The following SWT1 variants were observed in gnomAD, a reference collection of about 807,000 sequenced individuals.
SWT1 encodes SWT1 RNA endoribonuclease homolog, also known as transcriptional protein SWT1.
A neutral mutation model predicts 107.3 loss-of-function variants in SWT1; 33 were observed. That is an observed-to-expected ratio of 0.31 (90% CI 0.23 to 0.41). SWT1 has a LOEUF of 0.41. Ranked by LOEUF, SWT1 falls within the 10% of genes least tolerant of loss-of-function variation. SWT1 has a pLI of 1.00. For missense variants in SWT1, 898 were observed against 1,028.9 expected (o/e 0.87, Z 1.74); for synonymous variants, 345 against 348.3 (o/e 0.99, Z 0.11).
At chr1:185,269,476 G>T (rs536472136) in intron 16 of SWT1, among the ~76,000 whole-genome samples, 1 of 148,070 alleles carries the variant, frequency 6.8e-6, no homozygotes, top group African/African-American at 2.5e-5. Flanking sequence ...AAGATGTTCT[G>T]TATGTGTGCC....
intron 15 of SWT1, among the ~76,000 whole-genome samples, chr1:185,223,958 G>T (rs748341488): frequency 1.3e-5 from 2 of 152,164 alleles, no homozygotes; most frequent in Non-Finnish European, 2.9e-5. Flanking sequence ...ACACCATGAA[G>T]TATTAAGCAG....
chr1:185,174,092 A>T (rs1005003095), intron 4 of SWT1, among the ~76,000 whole-genome samples: 11 of 152,174 alleles, frequency 7.2e-5, no homozygotes, highest in African/African-American at 2.7e-4. Context: ...GAAGCACAAA[A>T]TTATTATGAT....
At chr1:185,195,586 A>G (rs892237371) in intron 10 of SWT1, among the ~76,000 whole-genome samples, 1 of 152,210 alleles carries the variant, frequency 6.6e-6, no homozygotes, top group African/African-American at 2.4e-5. Flanking sequence ...TGTCTTCCAC[A>G]GTGGTGAACT....
rs937373112 is a variant in SWT1, at chr1:185,253,661, C to T, written c.2442-17662C>T. On this transcript the variant is annotated intron_variant, in intron 16 of 18. Coordinates refer to ENST00000367500, the MANE Select transcript of SWT1 (RefSeq NM_017673.7). ...TGAGACTTTGCTGAAGTTGCTTATC[C>T]GCTTAAGGAGATTTTCGGCTGAGAC... Among the ~76,000 whole-genome samples, 44 of 152,056 alleles carry T rather than the reference C, an allele frequency of 2.9e-4. 1 individual carries two copies. Among genetic ancestry groups the T allele is most frequent in the African/African-American group, 8.2e-4 (34 of 41,410 alleles).
At chr1:185,244,019 A>T (rs981685184) in intron 16 of SWT1, among the ~76,000 whole-genome samples, 5 of 152,038 alleles carry the variant, frequency 3.3e-5, no homozygotes, top group Admixed American at 6.6e-5. Context: ...ATGGACTTTC[A>T]TCCATTTACC....
At chr1:185,268,864 T>G (rs1663598914) in intron 16 of SWT1, among the ~76,000 whole-genome samples, 1 of 150,578 alleles carries the variant, frequency 6.6e-6, no homozygotes, top group South Asian at 2.1e-4. Context: ...TTTTTTTTTT[T>G]TTTTTTGAGA....
chr1:185,257,896 T>G (rs535299988), intron 16 of SWT1: 1 of 152,240 alleles, frequency 6.6e-6, no homozygotes, highest in Non-Finnish European at 1.5e-5. Flanking sequence ...TTTTGTTTTA[T>G]TATTTTATTT....
At chr1:185,274,627 T>G (rs1475432078) in intron 17 of SWT1, among the ~76,000 whole-genome samples, 1 of 152,140 alleles carries the variant, frequency 6.6e-6, no homozygotes, top group Non-Finnish European at 1.5e-5. Flanking sequence ...ATTTTTTAAT[T>G]AAAAAGAAGC....
Position 185,277,836 on chromosome 1 carries a change from G to C in SWT1, c.2573+1168G>C, listed in dbSNP as rs372002640. 3.3e-3 allele frequency among the ~76,000 whole-genome samples: 500 copies of C among 151,232 alleles called. 4 individuals are homozygous for C. Among genetic ancestry groups the C allele is most frequent in the African/African-American group, 0.012 (476 of 41,164 alleles). ...CATCTTTTTTTTTTGTGGTTTTACT[G>C]TTATTTATAACAAAAATAAGTTGAT... On this transcript the variant is annotated intron_variant, in intron 18 of 18. Transcript: ENST00000367500.
intron 10 of SWT1, among the ~76,000 whole-genome samples, chr1:185,197,552 C>T (rs1482596492): frequency 1.3e-5 from 2 of 152,052 alleles, no homozygotes; most frequent in Non-Finnish European, 2.9e-5. Context: ...CTCTTTGTTC[C>T]TCTAGTAGAA....
chr1:185,185,736 A>G (rs1656415028), intron 9 of SWT1, among the ~76,000 whole-genome samples: 1 of 152,178 alleles, frequency 6.6e-6, no homozygotes, highest in Admixed American at 6.5e-5. Flanking sequence ...AAAAGCCATG[A>G]TTAGATTCAT....
chr1:185,257,321 T>G (rs1056856166), intron 16 of SWT1, among the ~76,000 whole-genome samples: 6 of 152,142 alleles, frequency 3.9e-5, no homozygotes, highest in African/African-American at 1.4e-4. Flanking sequence ...AGTTCGAGCT[T>G]CCTGGCTGCT....
At chr1:185,278,043 C>G (rs904423084) in intron 18 of SWT1, among the ~76,000 whole-genome samples, 1 of 151,758 alleles carries the variant, frequency 6.6e-6, no homozygotes, top group Non-Finnish European at 1.5e-5. Flanking sequence ...AGGGTGGTCT[C>G]GAACTCCTGG....
intron 11 of SWT1, among the ~76,000 whole-genome samples, chr1:185,203,452 G>A (rs1047909433): frequency 2.6e-5 from 4 of 151,936 alleles, no homozygotes; most frequent in African/African-American, 4.8e-5. Flanking sequence ...ACCCCTGTCT[G>A]TACTAAAAAT....
intron 16 of SWT1, among the ~76,000 whole-genome samples, chr1:185,232,819 C>T (rs533050021): frequency 6.6e-6 from 1 of 152,268 alleles, no homozygotes; most frequent in Non-Finnish European, 1.5e-5. Flanking sequence ...TAAACCTCTG[C>T]TGTAAGGAAA....
chr1:185,191,682 T>C (rs924079429), intron 10 of SWT1, among the ~76,000 whole-genome samples: 1 of 152,186 alleles, frequency 6.6e-6, no homozygotes, highest in African/African-American at 2.4e-5. Context: ...CTTTGGAGTT[T>C]GTTGAAGGCT....
chr1:185,231,534 T>C, intron 15 of SWT1, 43 bp from the exon 16 acceptor site: 1 of 1,398,812 alleles, frequency 7.1e-7, no homozygotes, highest in Non-Finnish European at 1.0e-6. Flanking sequence ...TTACATTAAA[T>C]ATGTATGTAT....
At chr1:185,189,801 A>T (rs866534977) in intron 9 of SWT1, among the ~76,000 whole-genome samples, 25 of 150,714 alleles carry the variant, frequency 1.7e-4, no homozygotes, top group African/African-American at 5.8e-4. Context: ...ATGTACATAA[A>T]TATATATGAA....
intron 16 of SWT1, among the ~76,000 whole-genome samples, chr1:185,244,023 A>G (rs1000104412): frequency 6.6e-6 from 1 of 152,086 alleles, no homozygotes; most frequent in Admixed American, 6.6e-5. Flanking sequence ...ACTTTCATCC[A>G]TTTACCCATG....
Sources: allele counts gnomAD v4.1 joint callset (sites outside exome capture counted in the v4.1 genomes callset), GRCh38; gene constraint gnomAD v4.1.1; transcripts MANE v1.5; gene names NCBI Gene and HGNC (gene_info 2026-07-23, HGNC 2026-07-21).